GREB1: variants seen among roughly 807,000 people sequenced by gnomAD.
The protein encoded by GREB1 is growth regulating estrogen receptor binding 1.
GREB1 carries 106 observed loss-of-function variants against 200.7 expected under a neutral mutation model. The ratio of observed to expected loss-of-function variants is 0.53; its 90% CI spans 0.45 to 0.62. The LOEUF (loss-of-function observed/expected upper bound fraction) is 0.62, where lower values mean the gene tolerates loss of function less well. Among genes scored for constraint, GREB1 ranks in the 20% least tolerant of loss-of-function variants. GREB1 has a pLI of 0.00. For synonymous variants in GREB1, 1,132 were observed against 1,092.4 expected (o/e 1.04, Z -0.72); for missense variants, 2,243 against 2,556.8 (o/e 0.88, Z 2.65).
intron 1 of GREB1, among the ~76,000 whole-genome samples, chr2:11,500,514 G>C (rs1446049111): frequency 6.6e-6 from 1 of 151,346 alleles, no homozygotes; most frequent in Non-Finnish European, 1.5e-5. Flanking sequence ...ATGTTGGCTA[G>C]GCTGGTCTCG....
intron 10 of GREB1, among the ~76,000 whole-genome samples, chr2:11,590,238 C>T (rs891009716): frequency 2.6e-5 from 4 of 152,176 alleles, no homozygotes; most frequent in East Asian, 1.9e-4. Context: ...AATCCAGCCT[C>T]GCTCACCCTC....
chr2:11,628,978 T>A (rs1414060912), intron 25 of GREB1, among the ~76,000 whole-genome samples: 3 of 152,208 alleles, frequency 2.0e-5, no homozygotes, highest in African/African-American at 2.4e-5. Flanking sequence ...ACCTGCTCGT[T>A]CTGTTTTCTC....
In GREB1 at chr2:11,634,627, G is replaced by A. The variant is rs897856645; in HGVS notation, c.5210+278G>A. On this transcript the variant is annotated intron_variant, in intron 29 of 32. Transcript: ENST00000381486. Reference sequence around the variant, plus strand: ...TCTCCCAATACATTGCTTTTTAGAAGCTTTAGCCCTGAAGAAAATGATAAT... The same window carrying A: ...TCTCCCAATACATTGCTTTTTAGAAACTTTAGCCCTGAAGAAAATGATAAT... Among the ~76,000 whole-genome samples the A allele has an allele frequency of 7.2e-5, 11 of 152,336 alleles. No homozygotes were observed. In the East Asian group the frequency reaches 1.9e-3, roughly 27 times the overall value.
intron 1 of GREB1, among the ~76,000 whole-genome samples, chr2:11,502,121 T>G (rs542857646): frequency 6.6e-6 from 1 of 151,540 alleles, no homozygotes; most frequent in African/African-American, 2.4e-5. Context: ...TTCACCATGT[T>G]GGCCAGGCTG....
At chr2:11,607,604 A>C (rs1157627641) in intron 17 of GREB1, among the ~76,000 whole-genome samples, 1 of 41,420 alleles carries the variant, frequency 2.4e-5, no homozygotes, top group African/African-American at 6.4e-5. Flanking sequence ...ATATATATAC[A>C]TATATACACA....
In GREB1 at chr2:11,574,238, C is replaced by T. The variant is rs149691715; in HGVS notation, c.455-2115C>T. Reference sequence around the variant, plus strand: ...TGTTGGGTATTAGTCAGTACCTGTACACTGGCACACACACAGCTCACACGT... The same window carrying T: ...TGTTGGGTATTAGTCAGTACCTGTATACTGGCACACACACAGCTCACACGT... On this transcript the variant is annotated intron_variant, in intron 4 of 32. Coordinates refer to ENST00000381486, the MANE Select transcript of GREB1 (RefSeq NM_014668.4). Among the ~76,000 whole-genome samples the T allele has an allele frequency of 2.9e-3, 435 of 152,330 alleles. 5 individuals are homozygous for T. The highest frequency in any genetic ancestry group is 9.7e-3 in the African/African-American group (403 of 41,570).
chr2:11,517,490 CG>C (rs1056149412), intron 1 of GREB1: 1 of 146,394 alleles, frequency 6.8e-6, no homozygotes, highest in African/African-American at 2.4e-5. Context: ...TGGGGAGACC[CG>C]GTGCTGTAGA....
intron 9 of GREB1, chr2:11,588,396 C>A: frequency 1.6e-6 from 1 of 632,224 alleles, no homozygotes; most frequent in Non-Finnish European, 2.3e-6. Flanking sequence ...AGGTGCTCTG[C>A]CCACAAGGTG....
chr2:11,504,912 GT>G (rs1250230379), intron 1 of GREB1, among the ~76,000 whole-genome samples: 4 of 152,174 alleles, frequency 2.6e-5, no homozygotes. Flanking sequence ...CAAGATAGGT[GT>G]GATCACATTC....
In GREB1 at chr2:11,592,713, A is replaced by G. The variant is rs57974638; in HGVS notation, c.1346-63A>G. ...TAGGTGGGTACTTTCACATCACTGC[A>G]CCCGTGCGTCCCCGGATGCCGCTGG... On this transcript the variant is annotated intron_variant, in intron 10 of 32. Coordinates refer to ENST00000381486, the MANE Select transcript of GREB1 (RefSeq NM_014668.4). 0.013 allele frequency: 14,422 copies of G among 1,101,876 alleles called. 1,312 individuals are homozygous for G. The African/African-American group carries it at 0.2, about 16-fold the overall frequency. 68.3% of individuals were successfully genotyped at this position (1,101,876 alleles called of 1,614,324 possible). A position where few individuals can be genotyped will look rare whatever the true frequency, so the allele number is the denominator to read the frequency against.
At chr2:11,538,887 CTCTT>C (rs1674485523) in intron 1 of GREB1, among the ~76,000 whole-genome samples, 1 of 83,490 alleles carries the variant, frequency 1.2e-5, no homozygotes, top group Non-Finnish European at 2.5e-5. Context: ...TTCCCTCCCT[CTCTT>C]TCTTTTCCTT....
intron 1 of GREB1, among the ~76,000 whole-genome samples, chr2:11,544,849 C>T (rs985244639): frequency 1.3e-5 from 2 of 151,986 alleles, no homozygotes; most frequent in African/African-American, 2.4e-5. Context: ...AAGTCTCACT[C>T]TGTCACCCAG....
At position 11,633,141 on chromosome 2, in the gene GREB1, T is replaced by G; in HGVS notation, c.4991+78T>G. On this transcript the variant is annotated intron_variant, in intron 28 of 32. Transcript: ENST00000381486. The surrounding 1 kb of genome is among the most constrained non-coding windows in gnomAD (Gnocchi z 4.1). ...GAGTGTGCCCTCTTTGTATGGGGAATGTGCCCACCCCTGGAAGACCGGAGG... is the reference window on the plus strand; with the variant it reads ...GAGTGTGCCCTCTTTGTATGGGGAAGGTGCCCACCCCTGGAAGACCGGAGG... The G allele has an allele frequency of 7.1e-7, 1 of 1,414,100 alleles. No individual in the cohort carries two copies. Among genetic ancestry groups the G allele is most frequent in the Non-Finnish European group, 9.9e-7 (1 of 1,007,422 alleles). The allele number at this position is 1,414,100 out of a possible 1,614,324, so 87.6% of individuals were successfully genotyped here.
At chr2:11,521,265 A>C (rs1401288649) in intron 1 of GREB1, among the ~76,000 whole-genome samples, 1 of 152,080 alleles carries the variant, frequency 6.6e-6, no homozygotes, top group East Asian at 1.9e-4. Context: ...ATGTGCCACC[A>C]TACCAAGCTA....
intron 4 of GREB1, among the ~76,000 whole-genome samples, chr2:11,575,437 A>G (rs1198542289): frequency 6.6e-6 from 1 of 152,192 alleles, no homozygotes; most frequent in Non-Finnish European, 1.5e-5. Context: ...CTGGATTTTA[A>G]TAGCTTCCAG....
intron 1 of GREB1, among the ~76,000 whole-genome samples, chr2:11,502,247 G>A (rs1357284207): frequency 7.0e-6 from 1 of 143,416 alleles, no homozygotes; most frequent in Non-Finnish European, 1.5e-5. Flanking sequence ...CTGAGACAGG[G>A]TCTCAGTCTG....
chr2:11,561,028 G>A (rs1351454031), intron 2 of GREB1, among the ~76,000 whole-genome samples: 1 of 152,126 alleles, frequency 6.6e-6, no homozygotes, highest in Non-Finnish European at 1.5e-5. Flanking sequence ...ATGAGTGAGG[G>A]CACAGATCCT....
intron 21 of GREB1, among the ~76,000 whole-genome samples, chr2:11,617,739 T>C (rs1018130281): frequency 7.9e-5 from 12 of 152,056 alleles, no homozygotes; most frequent in Non-Finnish European, 1.3e-4. Flanking sequence ...GCCGGGGGTG[T>C]GCCTAGCTGT....
At chr2:11,532,470 C>T (rs190659934), upstream of GREB1, among the ~76,000 whole-genome samples, 5 of 152,336 alleles carry the variant, frequency 3.3e-5, no homozygotes, top group Admixed American at 6.5e-5. Flanking sequence ...TCTTTCCTTA[C>T]GCCTTTAGTT....
Sources: allele counts gnomAD v4.1 joint callset (sites outside exome capture counted in the v4.1 genomes callset), GRCh38; gene constraint gnomAD v4.1.1; non-coding constraint Gnocchi (gnomAD v3.1); transcripts MANE v1.5; gene names NCBI Gene and HGNC (gene_info 2026-07-23, HGNC 2026-07-21).